WFDC13: variants seen among roughly 807,000 people sequenced by gnomAD.
WFDC13 encodes the protein WAP four-disulfide core domain protein 13.
In WFDC13, 6 loss-of-function variants were observed where a neutral mutation model predicts 10.9. The observed-to-expected ratio is 0.55, with a 90% CI of 0.30 to 1.09. The LOEUF (loss-of-function observed/expected upper bound fraction) is 1.09. Ranked by LOEUF, WFDC13 falls within the 50% of genes least tolerant of loss-of-function variation. The pLI is 0.06. For missense variants in WFDC13, 104 were observed against 109.6 expected (o/e 0.95, Z 0.23); for synonymous variants, 38 against 39.5 (o/e 0.96, Z 0.14).
At chr20:45,705,734 G>C in intron 2 of WFDC13, 129 bp from the exon 3 acceptor site, 1 of 802,742 alleles carries the variant, frequency 1.2e-6, no homozygotes, top group Non-Finnish European at 1.9e-6. Flanking sequence ...TTGAGGTTCT[G>C]CCTTCCCTAT....
chr20:45,704,309 C>A, intron 1 of WFDC13, 135 bp from the exon 2 acceptor site: 1 of 1,223,484 alleles, frequency 8.2e-7, no homozygotes, highest in East Asian at 2.5e-5. Flanking sequence ...AGGACAAAAC[C>A]TGATGCCACC....
At position 45,705,296 on chromosome 20, in the gene WFDC13, A is replaced by T. The variant is rs6104302; in HGVS notation, c.240-567A>T. 683 of 392,558 alleles carry T rather than the reference A, an allele frequency of 1.7e-3. 11 individuals carry two copies. Among genetic ancestry groups the T allele is most frequent in the African/African-American group, 0.013 (615 of 49,200 alleles). The allele number at this position is 392,558 out of a possible 1,614,324, so 24.3% of individuals were successfully genotyped here. A position where few individuals can be genotyped will look rare whatever the true frequency, so the allele number is the denominator to read the frequency against. The stretch of plus-strand genomic sequence containing the variant: ...AATTTCAAAAGACTCACAGTGGAAG[A>T]CTCAACCAATGAGCCCTTTGAGGGA... On this transcript the variant is annotated intron_variant, in intron 2 of 3. Coordinates refer to ENST00000305479, the MANE Select transcript of WFDC13 (RefSeq NM_172005.2).
intron 1 of WFDC13, among the ~76,000 whole-genome samples, chr20:45,703,451 T>C (rs1038501743): frequency 9.2e-5 from 14 of 152,196 alleles, no homozygotes; most frequent in African/African-American, 2.9e-4. Context: ...TAATATCCTA[T>C]AGATTTCCTT....
In WFDC13 at chr20:45,704,937, C is replaced by T. The variant is rs750191472; in HGVS notation, c.239+343C>T. 22 of 1,614,160 alleles carry T rather than the reference C, an allele frequency of 1.4e-5. No individual in the cohort carries two copies. In the South Asian group the frequency reaches 2.1e-4, roughly 15 times the overall value. Reference sequence around the variant, plus strand: ...CTGTACCTGCAGGTGTAACCAAAATCCCAAAGCAAAATTTGTCCTACACTT... The same window carrying T: ...CTGTACCTGCAGGTGTAACCAAAATTCCAAAGCAAAATTTGTCCTACACTT... On this transcript the variant is annotated intron_variant, in intron 2 of 3. Coordinates refer to ENST00000305479, the MANE Select transcript of WFDC13 (RefSeq NM_172005.2).
intron 1 of WFDC13, among the ~76,000 whole-genome samples, chr20:45,703,083 G>A (rs535067743): frequency 6.6e-6 from 1 of 152,258 alleles, no homozygotes; most frequent in East Asian, 1.9e-4. Context: ...TTGAGGAAAG[G>A]CACAAAGAGG....
Position 45,705,875 on chromosome 20 carries a change from G to C in WFDC13, c.252G>C (p.Lys84Asn), listed in dbSNP as rs1394866980. 1.2e-6 allele frequency: 2 copies of C among 1,613,620 alleles called. No homozygotes were observed. The highest frequency in any genetic ancestry group is 1.7e-6 in the Non-Finnish European group (2 of 1,179,876). Residue 84 changes from lysine (K) to asparagine (N), a missense_variant, in exon 3 of 4, where the codon AAG becomes AAC. Physicochemically the swap from Lys to Asn is moderately conservative, Grantham distance 94. Transcript: ENST00000305479. ...TTTTCTTCTACAGAATCAAACACAA[G>C]GGCTCAGAAGTCATCATGCCTGCCA... ...TFQKRNRIKHKGSEVIMPAN is the reference protein window; with the variant it reads ...TFQKRNRIKHNGSEVIMPAN
At position 45,702,163 on chromosome 20, in the gene WFDC13, T is replaced by C. The variant is rs1285471301; in HGVS notation, c.40T>C (p.Cys14Arg). 3.7e-6 allele frequency: 6 copies of C among 1,613,536 alleles called. No homozygotes were observed. The highest frequency in any genetic ancestry group is 5.1e-6 in the Non-Finnish European group (6 of 1,179,820). ...VLPLQFLVVF[C>R]LALQLVPGSP... ...GCCTCTCCAGTTCCTGGTGGTGTTC[T>C]GCCTAGCACTGCAGCTGGTGCCTGG... is the stretch of plus-strand genomic sequence containing the variant. The change falls in exon 1 of 4, where the codon TGC (cysteine) becomes CGC (arginine). Residue 14 changes from cysteine (C) to arginine (R), a missense_variant. Cys to Arg is a radical substitution (Grantham distance 180, BLOSUM62 -3). Transcript: ENST00000305479.
In WFDC13 at chr20:45,702,434, G is replaced by A. The variant is rs553417745; in HGVS notation, c.88+223G>A. On this transcript the variant is annotated intron_variant, in intron 1 of 3. Coordinates refer to ENST00000305479, the MANE Select transcript of WFDC13 (RefSeq NM_172005.2). Reference sequence around the variant, plus strand: ...TTTTATCCTTATAATGAATACAGGAGGAGAACAGATAATGCATGCAGACAT... The same window carrying A: ...TTTTATCCTTATAATGAATACAGGAAGAGAACAGATAATGCATGCAGACAT... 3.9e-5 allele frequency among the ~76,000 whole-genome samples: 6 copies of A among 152,306 alleles called. No homozygotes were observed. In the East Asian group the frequency reaches 1.2e-3, roughly 29 times the overall value.
At position 45,704,531 on chromosome 20, in the gene WFDC13, T is replaced by G. The variant is rs1298025348; in HGVS notation, c.176T>G (p.Phe59Cys). ...ATGCAGGAAGATTGCGAGAAAGGATTTCAGTGCTGTTCCTCCTTCTGTGGG... is the reference window on the plus strand; with the variant it reads ...ATGCAGGAAGATTGCGAGAAAGGATGTCAGTGCTGTTCCTCCTTCTGTGGG... ...CTMQEDCEKG[F>C]QCCSSFCGIV... Residue 59 changes from phenylalanine (F) to cysteine (C), a missense_variant, in exon 2 of 4, where the codon TTT becomes TGT. Phe to Cys is a radical substitution (Grantham distance 205). Coordinates refer to ENST00000305479, the MANE Select transcript of WFDC13 (RefSeq NM_172005.2). The G allele has an allele frequency of 1.2e-6, 2 of 1,614,044 alleles. No individual in the cohort carries two copies. The highest frequency in any genetic ancestry group is 2.7e-5 in the African/African-American group (2 of 74,926).
rs75299771 is a variant in WFDC13, at chr20:45,705,029, G to T, written c.239+435G>T. The T allele has an allele frequency of 2.6e-4, 417 of 1,603,782 alleles. 2 individuals are homozygous for T. The African/African-American group carries it at 5.1e-3, about 20-fold the overall frequency. On this transcript the variant is annotated intron_variant, in intron 2 of 3. Coordinates refer to ENST00000305479, the MANE Select transcript of WFDC13 (RefSeq NM_172005.2). The stretch of plus-strand genomic sequence containing the variant: ...AGTGTTCTTGGGCTCTGGAGATCCA[G>T]CCCAAAGGAAGTTTTGATTAATTGT...
Position 45,704,586 on chromosome 20 carries a change from G to A in WFDC13, c.231G>A (p.Lys77=). The A allele has an allele frequency of 6.2e-7, 1 of 1,613,976 alleles. No homozygotes were observed. The highest frequency in any genetic ancestry group is 1.1e-5 in the South Asian group (1 of 91,062). The change falls in exon 2 of 4, where the codon AAG becomes AAA. Residue 77 remains lysine, a synonymous_variant. Coordinates refer to ENST00000305479, the MANE Select transcript of WFDC13 (RefSeq NM_172005.2). ...GIVCSSETFQ[K]RNRIKHKGSE... ...TCTGTTCATCAGAAACATTTCAAAAGCGCAACAGGTAAGAGATATCTCATA... is the reference window on the plus strand; with the variant it reads ...TCTGTTCATCAGAAACATTTCAAAAACGCAACAGGTAAGAGATATCTCATA...
intron 2 of WFDC13, chr20:45,705,175 T>C (rs1984343904): frequency 1.7e-6 from 1 of 599,250 alleles, no homozygotes; most frequent in Non-Finnish European, 3.0e-6. Context: ...TGTCTTTCTA[T>C]GACCTTGAGT....
intron 3 of WFDC13, among the ~76,000 whole-genome samples, chr20:45,707,270 G>T (rs988606217): frequency 6.6e-6 from 1 of 152,162 alleles, no homozygotes; most frequent in Non-Finnish European, 1.5e-5. Context: ...CTGATCCAGG[G>T]CAGGAAATAC....
Position 45,705,110 on chromosome 20 carries a change from G to A in WFDC13, c.239+516G>A, listed in dbSNP as rs80142005. On this transcript the variant is annotated intron_variant, in intron 2 of 3. Transcript: ENST00000305479. ...AAATGGAGTGTGCTCCCAGGGCAGA[G>A]AAAGGACATAGGGTGCTGATGAGAC... is the stretch of plus-strand genomic sequence containing the variant. The A allele has an allele frequency of 4.8e-4, 465 of 972,306 alleles. 3 individuals are homozygous for A. In the East Asian group the frequency reaches 0.011, roughly 23 times the overall value. The allele number at this position is 972,306 out of a possible 1,614,324, so 60.2% of individuals were successfully genotyped here. A position where few individuals can be genotyped will look rare whatever the true frequency, so the allele number is the denominator to read the frequency against.
rs1984469054 is a variant in WFDC13, at chr20:45,708,164, C to A, written c.*329C>A. 1 of 152,186 alleles carries A rather than the reference C, an allele frequency of 6.6e-6. No homozygotes were observed. Among genetic ancestry groups the A allele is most frequent in the Admixed American group, 6.5e-5 (1 of 15,276 alleles). The allele number at this position is 152,186 out of a possible 1,614,324, so 9.4% of individuals were successfully genotyped here. On this transcript the variant is annotated 3_prime_UTR_variant, in exon 4 of 4. Coordinates refer to ENST00000305479, the MANE Select transcript of WFDC13 (RefSeq NM_172005.2). The stretch of plus-strand genomic sequence containing the variant: ...TGGTCTTAAGGACCTACCACATCAA[C>A]ATCTGGACAACCCTCACTGATTACC...
chr20:45,706,756 A>C (rs1282648437), intron 3 of WFDC13, among the ~76,000 whole-genome samples: 1 of 139,900 alleles, frequency 7.1e-6, no homozygotes, highest in Non-Finnish European at 1.5e-5. Context: ...TGGGCGACAG[A>C]GTGAGACTCC....
In WFDC13 at chr20:45,704,481, T is replaced by C; in HGVS notation, c.126T>C (p.Pro42=). The change falls in exon 2 of 4, where the codon CCT becomes CCC. Residue 42 remains proline (P), a synonymous_variant. Coordinates refer to ENST00000305479, the MANE Select transcript of WFDC13 (RefSeq NM_172005.2). Reference sequence around the variant, plus strand: ...AACCTCCACCCTGCATATCAGCACCTGAAAACTGTACTCACCTGTGTACAA... The same window carrying C: ...AACCTCCACCCTGCATATCAGCACCCGAAAACTGTACTCACCTGTGTACAA... The part of the protein sequence containing the change: ...ILEPPPCISA[P]ENCTHLCTMQ... The C allele has an allele frequency of 1.9e-6, 3 of 1,614,104 alleles. No individual in the cohort carries two copies. The highest frequency in any genetic ancestry group is 2.5e-6 in the Non-Finnish European group (3 of 1,179,992).
chr20:45,706,033 TG>T, intron 3 of WFDC13, 106 bp downstream of exon 3: 1 of 951,788 alleles, frequency 1.1e-6, no homozygotes, highest in Non-Finnish European at 1.6e-6. Context: ...AAGCTCAGAA[TG>T]GCCTCTCATT....
intron 3 of WFDC13, among the ~76,000 whole-genome samples, chr20:45,707,654 T>C (rs1285011717): frequency 6.6e-6 from 1 of 152,156 alleles, no homozygotes; most frequent in Non-Finnish European, 1.5e-5. Flanking sequence ...TTAAAGGTGA[T>C]CATGACAGAG....
Sources: allele counts gnomAD v4.1 joint callset (sites outside exome capture counted in the v4.1 genomes callset), GRCh38; gene constraint gnomAD v4.1.1; transcripts MANE v1.5; gene names NCBI Gene and HGNC (gene_info 2026-07-23, HGNC 2026-07-21).